AKAP12: variants seen among roughly 807,000 people sequenced by gnomAD.
AKAP12 encodes the protein A-kinase anchoring protein 12, also known as A-kinase anchor protein 12.
A neutral mutation model predicts 79.9 loss-of-function variants in AKAP12; 32 were observed. The observed-to-expected ratio is 0.40, with a 90% confidence interval of 0.30 to 0.54. AKAP12 has a LOEUF of 0.54. Ranked by LOEUF, AKAP12 falls within the 20% of genes least tolerant of loss-of-function variation. The pLI is 0.48. For missense variants in AKAP12, 2,074 were observed against 2,177.0 expected (o/e 0.95, Z 0.94); for synonymous variants, 808 against 857.0 (o/e 0.94, Z 1.00).
At chr6:151,290,846 A>G (rs1582859773) in intron 2 of AKAP12, among the ~76,000 whole-genome samples, 1 of 152,008 alleles carries the variant, frequency 6.6e-6, no homozygotes, top group South Asian at 2.1e-4. Flanking sequence ...CTGACCTCAG[A>G]TGATCCGCCC....
chr6:151,355,943 A>G lies in AKAP12; in HGVS notation c.*229A>G, dbSNP rs1480795934. On this transcript the variant is annotated 3_prime_UTR_variant, in exon 5 of 5. Transcript: ENST00000402676. ...TTCCTCTTTCCAAGACCAACCTACAATTTTCCCTTGATAACCATATAAATT... is the reference window on the plus strand; with the variant it reads ...TTCCTCTTTCCAAGACCAACCTACAGTTTTCCCTTGATAACCATATAAATT... The G allele has an allele frequency of 6.6e-6, 1 of 152,508 alleles. No individual in the cohort carries two copies. The highest frequency in any genetic ancestry group is 1.5e-5 in the Non-Finnish European group (1 of 68,012). The allele number at this position is 152,508 out of a possible 1,614,324, so 9.4% of individuals were successfully genotyped here.
At chr6:151,344,947 G>A (rs1341595223) in intron 3 of AKAP12, among the ~76,000 whole-genome samples, 1 of 152,156 alleles carries the variant, frequency 6.6e-6, no homozygotes, top group Non-Finnish European at 1.5e-5. Flanking sequence ...AAATTAAATT[G>A]TTTTCAGAGT....
chr6:151,352,852 A>C lies in AKAP12; in HGVS notation c.4461A>C (p.Ile1487=). The C allele has an allele frequency of 6.2e-7, 1 of 1,614,252 alleles. No homozygotes were observed. Among genetic ancestry groups the C allele is most frequent in the Non-Finnish European group, 8.5e-7 (1 of 1,180,048 alleles). The change falls in exon 4 of 5, where the codon ATA becomes ATC. Residue 1487 remains isoleucine, a synonymous_variant. Transcript: ENST00000402676. ...PDCQAKSTPV[I]VSATTKKGLS... is the part of the protein sequence containing the mutation. ...GTCAGGCAAAATCGACACCAGTGATAGTATCTGCTACTACCAAGAAAGGCT... is the reference window on the plus strand; with the variant it reads ...GTCAGGCAAAATCGACACCAGTGATCGTATCTGCTACTACCAAGAAAGGCT...
intron 3 of AKAP12, among the ~76,000 whole-genome samples, chr6:151,330,903 C>T (rs1362502090): frequency 6.6e-6 from 1 of 152,178 alleles, no homozygotes; most frequent in East Asian, 1.9e-4. Flanking sequence ...GCAGGGACCA[C>T]TGTAGCTTAG....
intron 2 of AKAP12, among the ~76,000 whole-genome samples, chr6:151,292,238 A>G (rs1463946452): frequency 6.6e-6 from 1 of 152,342 alleles, no homozygotes; most frequent in East Asian, 1.9e-4. Context: ...AGTGCATTCT[A>G]CTGAAAAGGA....
chr6:151,240,352 T>C (rs1582824991), intron 1 of AKAP12, 32 bp from the exon 2 acceptor site: 4 of 442,412 alleles, frequency 9.0e-6, no homozygotes, highest in African/African-American at 2.1e-5. Context: ...GGCTAAGAGG[T>C]GGCCTTTTTT....
chr6:151,321,910 T>TTGTTTTTG, intron 3 of AKAP12, among the ~76,000 whole-genome samples: 1 of 145,472 alleles, frequency 6.9e-6, no homozygotes, highest in African/African-American at 2.6e-5. Context: ...TATGTTTTTT[T>TTGTTTTTG]TTTTTTTTTT....
chr6:151,352,145 G>A lies in AKAP12; in HGVS notation c.3754G>A (p.Val1252Met). The A allele has an allele frequency of 6.2e-7, 1 of 1,614,224 alleles. No individual in the cohort carries two copies. Among genetic ancestry groups the A allele is most frequent in the Non-Finnish European group, 8.5e-7 (1 of 1,180,046 alleles). Residue 1252 changes from valine to methionine, a missense_variant, in exon 4 of 5, where the codon GTG becomes ATG. By Grantham distance (21) the Val-to-Met change is conservative. Transcript: ENST00000402676. ...AGAGCATACAGATAAAGAGGTGTCA[G>A]TGGAAACTGTATCCATTCTGTCAAA... ...TLEHTDKEVS[V>M]ETVSILSKTE...
intron 2 of AKAP12, among the ~76,000 whole-genome samples, chr6:151,302,131 T>G (rs961371732): frequency 6.6e-6 from 1 of 151,664 alleles, no homozygotes; most frequent in Non-Finnish European, 1.5e-5. Context: ...CTGCCTCAGC[T>G]TCCCTAGTAG....
chr6:151,341,343 C>T (rs1481823471), intron 3 of AKAP12, among the ~76,000 whole-genome samples: 5 of 152,276 alleles, frequency 3.3e-5, no homozygotes, highest in African/African-American at 1.2e-4. Context: ...CGTGAGCCAC[C>T]GCGCCAGGCC....
chr6:151,292,510 C>G (rs1199014039), intron 2 of AKAP12, among the ~76,000 whole-genome samples: 1 of 152,206 alleles, frequency 6.6e-6, no homozygotes, highest in South Asian at 2.1e-4. Flanking sequence ...ATGCTCAAGT[C>G]CCACAGTTTG....
chr6:151,357,674 C>T lies in AKAP12; in HGVS notation c.*1960C>T, dbSNP rs906975260. ...GCTACCCATGCATCATTATTAAAAT[C>T]CCCAAATTCAAAAAACCTCTGATAT... On this transcript the variant is annotated 3_prime_UTR_variant, in exon 5 of 5. Transcript: ENST00000402676. 13 of 149,954 alleles carry T rather than the reference C, an allele frequency of 8.7e-5. No individual in the cohort carries two copies. The highest frequency in any genetic ancestry group is 2.9e-4 in the African/African-American group (12 of 40,902). 9.3% of individuals were successfully genotyped at this position (149,954 alleles called of 1,614,324 possible). A position where few individuals can be genotyped will look rare whatever the true frequency, so the allele number is the denominator to read the frequency against.
chr6:151,312,292 G>GA (rs1389836457), intron 3 of AKAP12, among the ~76,000 whole-genome samples: 11 of 151,144 alleles, frequency 7.3e-5, no homozygotes, highest in South Asian at 6.3e-4. Flanking sequence ...GAAGCATAGT[G>GA]AGACCCTTGT....
intron 2 of AKAP12, among the ~76,000 whole-genome samples, chr6:151,286,690 A>G (rs1481296922): frequency 6.6e-6 from 1 of 152,168 alleles, no homozygotes; most frequent in African/African-American, 2.4e-5. Context: ...TATTTATTTA[A>G]GCGCATATGA....
Position 151,353,042 on chromosome 6 carries a change from C to G in AKAP12, c.4651C>G (p.Gln1551Glu), listed in dbSNP as rs1303803646. 8 of 1,613,974 alleles carry G rather than the reference C, an allele frequency of 5.0e-6. No homozygotes were observed. Among genetic ancestry groups the G allele is most frequent in the African/African-American group, 1.3e-5 (1 of 74,888 alleles). The change falls in exon 4 of 5, where the codon CAA becomes GAA. Residue 1551 changes from glutamine (Q) to glutamate (E), a missense_variant. By Grantham distance (29) the Gln-to-Glu change is conservative (BLOSUM62 2). Coordinates refer to ENST00000402676, the MANE Select transcript of AKAP12 (RefSeq NM_005100.4). ...TGAGACCAAAAGCAGTAAACTTGTC[C>G]AAAACATCATCCAGACAGCCGTTGA... Reference protein sequence around the residue: ...ELETKSSKLVQNIIQTAVDQF... With the variant: ...ELETKSSKLVENIIQTAVDQF...
chr6:151,316,226 T>C (rs1470371743), intron 3 of AKAP12, among the ~76,000 whole-genome samples: 1 of 141,458 alleles, frequency 7.1e-6, no homozygotes, highest in Non-Finnish European at 1.6e-5. Context: ...TAGCCTGATA[T>C]CAGGTAGTTT....
At position 151,350,656 on chromosome 6, in the gene AKAP12, C is replaced by T. The variant is rs752135758; in HGVS notation, c.2265C>T (p.Gly755=). The change falls in exon 4 of 5, where the codon GGC becomes GGT. Residue 755 remains glycine, a synonymous_variant. Coordinates refer to ENST00000402676, the MANE Select transcript of AKAP12 (RefSeq NM_005100.4). This position sits in a 1 kb window ranked among gnomAD's most constrained non-coding sequence, Gnocchi z 4.8. ...EQAGSPTEGE[G]VSTWESFKRL... The stretch of plus-strand genomic sequence containing the variant: ...CTGGAAGCCCTACCGAAGGGGAGGG[C>T]GTTTCCACCTGGGAGTCATTTAAAA... The T allele has an allele frequency of 3.7e-6, 6 of 1,613,916 alleles. No individual in the cohort carries two copies. The Admixed American group carries it at 5.0e-5, about 13-fold the overall frequency.
chr6:151,331,778 G>A (rs540416268), intron 3 of AKAP12, among the ~76,000 whole-genome samples: 7 of 151,506 alleles, frequency 4.6e-5, no homozygotes, highest in South Asian at 2.1e-4. Flanking sequence ...CCAGCTACTC[G>A]GGAGGCTGAG....
chr6:151,336,111 T>C (rs907178116), intron 3 of AKAP12, among the ~76,000 whole-genome samples: 1 of 152,242 alleles, frequency 6.6e-6, no homozygotes, highest in South Asian at 2.1e-4. Context: ...TTCTTTTTCA[T>C]GGCTGCATAG....
Sources: gnomAD v4.1 joint callset for allele counts (sites outside exome capture counted in the v4.1 genomes callset) on GRCh38, gnomAD v4.1.1 for gene constraint, Gnocchi (gnomAD v3.1) non-coding constraint, MANE v1.5 for transcripts, NCBI Gene and HGNC (gene_info 2026-07-23, HGNC 2026-07-21) for gene names.